Variants in CD96 observed in about 807,000 individuals in gnomAD.
CD96 encodes the protein T-cell surface protein tactile.
A neutral mutation model predicts 71.3 loss-of-function variants in CD96; 70 were observed. That is an observed-to-expected ratio of 0.98 (90% CI 0.81 to 1.20). CD96 has a LOEUF of 1.20. CD96 is among the 50% of genes most tolerant of loss of function. CD96 has a pLI of 0.00. For missense variants in CD96, 742 were observed against 677.5 expected, an observed-to-expected ratio of 1.10 and a Z score of -1.06; for synonymous variants, 248 against 233.0, an observed-to-expected ratio of 1.06 and a Z score of -0.59.
chr3:111,627,394 C>A (rs1226222511), intron 10 of CD96, among the ~76,000 whole-genome samples: 4 of 152,204 alleles, frequency 2.6e-5, no homozygotes, highest in Non-Finnish European at 4.4e-5. Flanking sequence ...AAGGAATGAC[C>A]AGACTGCTTC....
Position 111,660,233 on chromosome 3 carries a change from C to T in CD96, c.*53-5294C>T, listed in dbSNP as rs150462887. ...CTATGCACCAGAAACATCCAGGCTG[C>T]GAGTGAAATCAAGAACACAAACCCA... On this transcript the variant is annotated intron_variant and NMD_transcript_variant, in intron 14 of 14. Coordinates refer to the CD96 transcript ENST00000494798. Among the ~76,000 whole-genome samples the T allele has an allele frequency of 5.3e-3, 799 of 152,128 alleles. 5 individuals are homozygous for T. Among genetic ancestry groups the T allele is most frequent in the African/African-American group, 0.017 (725 of 41,502 alleles).
At position 111,593,663 on chromosome 3, in the gene CD96, G is replaced by A. The variant is rs1265274010; in HGVS notation, c.808-4457G>A. ...GATGGCCCTTTCCACCTCCTCCAGG[G>A]CTCGCTCCCTTTTTTCCACAGCCCT... is the stretch of plus-strand genomic sequence containing the variant. On this transcript the variant is annotated intron_variant, in intron 5 of 13. Coordinates refer to ENST00000352690, the MANE Select transcript of CD96 (RefSeq NM_005816.5). 4 of 1,609,888 alleles carry A rather than the reference G, an allele frequency of 2.5e-6. No homozygotes were observed. The Admixed American group carries it at 5.0e-5, about 20-fold the overall frequency.
chr3:111,637,180 T>G lies in CD96; in HGVS notation c.1322-16T>G. The G allele has an allele frequency of 1.4e-6, 2 of 1,429,774 alleles. No individual in the cohort carries two copies. Among genetic ancestry groups the G allele is most frequent in the Non-Finnish European group, 2.0e-6 (2 of 1,011,572 alleles). 88.6% of individuals were successfully genotyped at this position (1,429,774 alleles called of 1,614,324 possible). On this transcript the variant is annotated splice_polypyrimidine_tract_variant and intron_variant, in intron 10 of 13. Transcript: ENST00000352690. ...GTCTCATATAGGTTAACTCTTCTGATATCTTCTTCCTTTAGCAGTTTCACG... is the reference window on the plus strand; with the variant it reads ...GTCTCATATAGGTTAACTCTTCTGAGATCTTCTTCCTTTAGCAGTTTCACG...
At chr3:111,594,200 A>C in intron 5 of CD96, 1 of 1,589,028 alleles carries the variant, frequency 6.3e-7, no homozygotes, top group Non-Finnish European at 8.6e-7. Context: ...CCGCCTCATC[A>C]TGTCACCTCT....
At chr3:111,626,836 A>C (rs1258049098) in intron 10 of CD96, among the ~76,000 whole-genome samples, 2 of 152,220 alleles carry the variant, frequency 1.3e-5, no homozygotes, top group Non-Finnish European at 2.9e-5. Flanking sequence ...ACCAAATAAC[A>C]ACATATGGCA....
At chr3:111,548,639 A>G (rs1319929725) in intron 2 of CD96, among the ~76,000 whole-genome samples, 1 of 152,212 alleles carries the variant, frequency 6.6e-6, no homozygotes, top group Non-Finnish European at 1.5e-5. Flanking sequence ...AGAGTATAAC[A>G]TGGCTTTAAT....
chr3:111,586,203 T>G (rs924107209), intron 5 of CD96, among the ~76,000 whole-genome samples: 3 of 152,210 alleles, frequency 2.0e-5, no homozygotes, highest in African/African-American at 7.2e-5. Context: ...TCTTGTGGCC[T>G]TATGACTTTA....
At chr3:111,614,455 T>C (rs1233507026) in intron 8 of CD96, among the ~76,000 whole-genome samples, 1 of 152,212 alleles carries the variant, frequency 6.6e-6, no homozygotes, top group African/African-American at 2.4e-5. Context: ...TGGGGCACTC[T>C]GGCAGATTTT....
chr3:111,613,784 A>G (rs1938079088), intron 8 of CD96, among the ~76,000 whole-genome samples: 1 of 152,200 alleles, frequency 6.6e-6, no homozygotes, highest in Non-Finnish European at 1.5e-5. Flanking sequence ...AATAAGTTAA[A>G]TTTTTAGGTT....
chr3:111,543,072 G>T (rs143092855), intron 1 of CD96, among the ~76,000 whole-genome samples: 75 of 152,284 alleles, frequency 4.9e-4, no homozygotes, highest in Non-Finnish European at 8.7e-4. Context: ...GCAAAGGATA[G>T]CTCACAGGAA....
intron 8 of CD96, among the ~76,000 whole-genome samples, chr3:111,611,751 C>A (rs939468398): frequency 2.0e-5 from 3 of 152,120 alleles, no homozygotes; most frequent in Non-Finnish European, 4.4e-5. Context: ...TCTTCACATT[C>A]GCATCATAAG....
At chr3:111,562,187 G>A (rs1357288113) in intron 2 of CD96, among the ~76,000 whole-genome samples, 2 of 152,186 alleles carry the variant, frequency 1.3e-5, no homozygotes, top group South Asian at 2.1e-4. Context: ...CTCACGTTGG[G>A]AGCTGTAGAC....
At chr3:111,600,641 A>C in intron 6 of CD96, 85 bp from the exon 7 acceptor site, 1 of 1,041,216 alleles carries the variant, frequency 9.6e-7, no homozygotes, top group South Asian at 1.3e-5. Flanking sequence ...ACATTACCAC[A>C]AATTGATCAT....
chr3:111,585,758 A>G (rs1427742031), intron 5 of CD96, among the ~76,000 whole-genome samples: 1 of 152,120 alleles, frequency 6.6e-6, no homozygotes, highest in African/African-American at 2.4e-5. Flanking sequence ...GTTCTAATCC[A>G]TTTCCTTTAC....
chr3:111,627,072 T>C (rs762784293), intron 10 of CD96, among the ~76,000 whole-genome samples: 1 of 152,144 alleles, frequency 6.6e-6, no homozygotes, highest in Non-Finnish European at 1.5e-5. Context: ...TGTTCAGTAA[T>C]AAGAAATGGC....
At chr3:111,597,253 GATAAAACAATGGGAATCCA>G (rs972529734) in intron 5 of CD96, among the ~76,000 whole-genome samples, 50 of 152,124 alleles carry the variant, frequency 3.3e-4, no homozygotes, top group African/African-American at 1.2e-3. Context: ...AAGAGTCTCA[GATAAAACAATGGGAATCCA>G]ATAATTCTCA....
chr3:111,582,944 A>G (rs1936536130), intron 4 of CD96, among the ~76,000 whole-genome samples: 1 of 152,142 alleles, frequency 6.6e-6, no homozygotes, highest in African/African-American at 2.4e-5. Flanking sequence ...AAAATCAATC[A>G]TGCCTTCCCA....
At chr3:111,565,555 A>C (rs1314409249) in intron 2 of CD96, among the ~76,000 whole-genome samples, 1 of 152,062 alleles carries the variant, frequency 6.6e-6, no homozygotes, top group Non-Finnish European at 1.5e-5. Flanking sequence ...AAACAATTAC[A>C]ATAATTTAAG....
chr3:111,577,456 C>G, intron 3 of CD96: 1 of 1,366,366 alleles, frequency 7.3e-7, no homozygotes, highest in Non-Finnish European at 1.0e-6. Flanking sequence ...GATCCTATCT[C>G]TGTAATACAG....
Sources: allele counts gnomAD v4.1 joint callset (sites outside exome capture counted in the v4.1 genomes callset), GRCh38; gene constraint gnomAD v4.1.1; transcripts MANE v1.5; gene names NCBI Gene and HGNC (gene_info 2026-07-23, HGNC 2026-07-21).